The following GBE1 variants were observed in gnomAD, a reference collection of about 807,000 sequenced individuals.
The protein encoded by GBE1 is 1,4-alpha-glucan-branching enzyme.
In GBE1, 70 loss-of-function variants were observed where a neutral mutation model predicts 88.8. The ratio of observed to expected loss-of-function variants is 0.79; its 90% CI spans 0.65 to 0.96. The LOEUF is 0.96. Ranked by LOEUF, GBE1 falls within the 40% of genes least tolerant of loss-of-function variation. The pLI is 0.00. For missense variants in GBE1, 872 were observed against 871.0 expected (o/e 1.00, Z -0.01); for synonymous variants, 284 against 300.1 (o/e 0.95, Z 0.56).
chr3:81,623,455 A>G (rs1464184777), intron 7 of GBE1, among the ~76,000 whole-genome samples: 1 of 152,138 alleles, frequency 6.6e-6, no homozygotes, highest in Admixed American at 6.5e-5. Flanking sequence ...CTTTTTCTTC[A>G]TAGTACTTGT....
chr3:81,504,617 A>G (rs1702630695), intron 14 of GBE1, among the ~76,000 whole-genome samples: 2 of 152,166 alleles, frequency 1.3e-5, no homozygotes, highest in African/African-American at 4.8e-5. Flanking sequence ...TGATATATCT[A>G]TCAACAGGTT....
At chr3:81,695,643 T>G (rs552142917) in intron 2 of GBE1, among the ~76,000 whole-genome samples, 1 of 152,306 alleles carries the variant, frequency 6.6e-6, no homozygotes, top group East Asian at 1.9e-4. Flanking sequence ...AATGTTATGT[T>G]ATATGAATAT....
At chr3:81,612,219 TTA>T in intron 7 of GBE1, 1 of 280,380 alleles carries the variant, frequency 3.6e-6, no homozygotes, top group East Asian at 1.1e-4. Flanking sequence ...CCACGCTCCT[TTA>T]AAAAAAAAAA....
chr3:81,691,063 G>A (rs903968524), intron 2 of GBE1, among the ~76,000 whole-genome samples: 2 of 152,110 alleles, frequency 1.3e-5, no homozygotes, highest in African/African-American at 2.4e-5. Flanking sequence ...TGATGAAGGT[G>A]TAAAACAAAA....
chr3:81,493,553 A>G (rs2106801578), intron 15 of GBE1, among the ~76,000 whole-genome samples: 1 of 149,392 alleles, frequency 6.7e-6, no homozygotes, highest in South Asian at 2.1e-4. Flanking sequence ...TTCTTTTTAG[A>G]AGGAGTTTCG....
At chr3:81,563,846 C>A (rs963930639) in intron 12 of GBE1, among the ~76,000 whole-genome samples, 1 of 150,190 alleles carries the variant, frequency 6.7e-6, no homozygotes, top group Non-Finnish European at 1.5e-5. Context: ...ATATAAGTAA[C>A]CTTCTAAGCC....
intron 1 of GBE1, among the ~76,000 whole-genome samples, chr3:81,721,627 A>G (rs918948146): frequency 5.9e-5 from 9 of 152,336 alleles, no homozygotes; most frequent in African/African-American, 1.2e-4. Context: ...ATCTGCTGAC[A>G]TATTTTCCCT....
At chr3:81,609,075 A>G (rs1704139221) in intron 7 of GBE1, among the ~76,000 whole-genome samples, 1 of 152,192 alleles carries the variant, frequency 6.6e-6, no homozygotes, top group Admixed American at 6.5e-5. Flanking sequence ...CTGTTTGTAC[A>G]GAATCCTCTA....
intron 3 of GBE1, among the ~76,000 whole-genome samples, chr3:81,656,350 A>T (rs1704938845): frequency 1.3e-5 from 2 of 152,176 alleles, no homozygotes; most frequent in Non-Finnish European, 2.9e-5. Context: ...GAGTGGAGTG[A>T]CGAGGATACT....
intron 1 of GBE1, among the ~76,000 whole-genome samples, chr3:81,745,558 G>T (rs1428775744): frequency 2.0e-5 from 3 of 151,724 alleles, no homozygotes; most frequent in East Asian, 1.9e-4. Context: ...TGATGGTGAT[G>T]ATTATTATTA....
intron 7 of GBE1, among the ~76,000 whole-genome samples, chr3:81,594,365 G>A (rs893637571): frequency 3.9e-5 from 6 of 151,964 alleles, no homozygotes; most frequent in Non-Finnish European, 7.4e-5. Flanking sequence ...ACATAGTAGT[G>A]CTCGAAAAAA....
rs534186000 is a variant in GBE1, at chr3:81,647,103, C to T, written c.692-621G>A. On this transcript the variant is annotated intron_variant, in intron 5 of 15. Coordinates refer to ENST00000429644, the MANE Select transcript of GBE1 (RefSeq NM_000158.4). ...TCCCAAGTAGCTGGAACTACAGGTGCGTGCCACCATCCCTGGCTATTTTTT... is the reference window on the plus strand; with the variant it reads ...TCCCAAGTAGCTGGAACTACAGGTGTGTGCCACCATCCCTGGCTATTTTTT... 2.0e-5 allele frequency among the ~76,000 whole-genome samples: 3 copies of T among 151,958 alleles called. No homozygotes were observed. The East Asian group carries it at 5.8e-4, about 29-fold the overall frequency.
chr3:81,750,886 G>T lies in GBE1; in HGVS notation c.143+10489C>A, dbSNP rs183256932. On this transcript the variant is annotated intron_variant, in intron 1 of 15. Coordinates refer to ENST00000429644, the MANE Select transcript of GBE1 (RefSeq NM_000158.4). Reference sequence around the variant, plus strand: ...AGTAGAGGCAGGTTTCACCATATTGGCCAGGCTGATCTCAAACTCCTGACC... The same window carrying T: ...AGTAGAGGCAGGTTTCACCATATTGTCCAGGCTGATCTCAAACTCCTGACC... Among the ~76,000 whole-genome samples the T allele has an allele frequency of 4.6e-3, 692 of 150,702 alleles. 4 individuals carry two copies. Among genetic ancestry groups the T allele is most frequent in the African/African-American group, 0.016 (662 of 40,960 alleles).
chr3:81,570,656 G>C (rs1439392329), intron 12 of GBE1, among the ~76,000 whole-genome samples: 1 of 152,176 alleles, frequency 6.6e-6, no homozygotes, highest in Non-Finnish European at 1.5e-5. Flanking sequence ...AGATATCTGG[G>C]TGGAAAGGTA....
At chr3:81,720,380 A>ATG (rs386397209) in intron 1 of GBE1, among the ~76,000 whole-genome samples, 7 of 150,130 alleles carry the variant, frequency 4.7e-5, no homozygotes, top group African/African-American at 1.7e-4. Context: ...ATATATATAT[A>ATG]TCTTATATAC....
intron 2 of GBE1, among the ~76,000 whole-genome samples, chr3:81,678,446 G>A (rs1705293094): frequency 1.3e-5 from 2 of 152,120 alleles, no homozygotes; most frequent in South Asian, 4.1e-4. Flanking sequence ...AAAAGTATGT[G>A]TCTTTATTTC....
intron 2 of GBE1, among the ~76,000 whole-genome samples, chr3:81,680,933 G>A (rs2107130098): frequency 6.6e-6 from 1 of 152,344 alleles, no homozygotes; most frequent in African/African-American, 2.4e-5. Flanking sequence ...AGAACTGCAA[G>A]AAATAAACGT....
In GBE1 at chr3:81,646,468, G is replaced by T; in HGVS notation, c.706C>A (p.Gln236Lys). 6.3e-7 allele frequency: 1 copy of T among 1,594,084 alleles called. No individual in the cohort carries two copies. Among genetic ancestry groups the T allele is most frequent in the African/African-American group, 1.3e-5 (1 of 74,228 alleles). ...RIKGLGYNCI[Q>K]LMAIMEHAYY... is the part of the protein sequence containing the mutation. ...GCATGCTCCATGATTGCCATCAACT[G>T]AATGCAGTTGTATCCTATATAAGGC... Residue 236 changes from glutamine (Q) to lysine (K), a missense_variant, in exon 6 of 16, where the codon CAG becomes AAG. Transcript: ENST00000429644.
At chr3:81,604,756 G>A (rs1394989671) in intron 7 of GBE1, among the ~76,000 whole-genome samples, 1 of 151,758 alleles carries the variant, frequency 6.6e-6, no homozygotes, top group Non-Finnish European at 1.5e-5. Flanking sequence ...CTACAAAAGT[G>A]GTATTTTCAT....
Sources: allele counts gnomAD v4.1 joint callset (sites outside exome capture counted in the v4.1 genomes callset), GRCh38; gene constraint gnomAD v4.1.1; transcripts MANE v1.5; gene names NCBI Gene and HGNC (gene_info 2026-07-23, HGNC 2026-07-21).